The following SAMD9 variants were observed in gnomAD, a reference collection of about 807,000 sequenced individuals.
SAMD9 encodes the protein sterile alpha motif domain-containing protein 9.
In SAMD9, 3 loss-of-function variants were observed where a neutral mutation model predicts 1.5. That is an observed-to-expected ratio of 2.05 (90% confidence interval 0.93 to 5.29). SAMD9 has a LOEUF of 5.29. SAMD9 is among the 30% of genes most tolerant of loss of function. SAMD9 has a pLI of 0.02. For missense variants in SAMD9, 1,597 were observed against 1,820.8 expected (o/e 0.88, Z 2.24); for synonymous variants, 635 against 631.9 (o/e 1.00, Z -0.07).
In SAMD9 at chr7:93,102,192, T is replaced by A. The variant is rs1271643942; in HGVS notation, c.3906A>T (p.Lys1302Asn). 1.9e-6 allele frequency: 3 copies of A among 1,613,716 alleles called. No individual in the cohort carries two copies. In the South Asian group the frequency reaches 3.3e-5, roughly 18 times the overall value. Residue 1302 changes from lysine (K) to asparagine (N), a missense_variant, in exon 3 of 3, where the codon AAA becomes AAT. Coordinates refer to ENST00000379958, the MANE Select transcript of SAMD9 (RefSeq NM_017654.4). ...CTAAGAGACAAAATATATCTACATA[T>A]TTCTTAAAATATCCAGCCACCTTTC... ...TRRKVAGYFK[K>N]YVDIFCLLEE...
At chr7:93,112,393 C>T (rs1562778937) in intron 2 of SAMD9, among the ~76,000 whole-genome samples, 2 of 152,150 alleles carry the variant, frequency 1.3e-5, no homozygotes, top group South Asian at 2.1e-4. Context: ...TGAAAACTGG[C>T]ACAAGACAGG....
intron 2 of SAMD9, among the ~76,000 whole-genome samples, chr7:93,111,783 C>G (rs922900877): frequency 5.3e-5 from 8 of 152,050 alleles, no homozygotes; most frequent in African/African-American, 1.9e-4. Flanking sequence ...CTGAATAGAC[C>G]AATAACAGGT....
At position 93,102,463 on chromosome 7, in the gene SAMD9, T is replaced by C. The variant is rs1490512363; in HGVS notation, c.3635A>G (p.Gln1212Arg). The C allele has an allele frequency of 1.2e-6, 2 of 1,613,636 alleles. No individual in the cohort carries two copies. The highest frequency in any genetic ancestry group is 1.7e-6 in the Non-Finnish European group (2 of 1,179,722). ...TTTATTATCAAAAAAAGGAATGAGC[T>C]GGAGAATTTGGATTGTGTAAAGCCC... ...EVGLYTIQIL[Q>R]LIPFFDNKNE... Residue 1212 changes from glutamine (Q) to arginine (R), a missense_variant, in exon 3 of 3, where the codon CAG (glutamine) becomes CGG (arginine). Physicochemically the swap from Gln to Arg is conservative, Grantham distance 43. Transcript: ENST00000379958.
intron 2 of SAMD9, among the ~76,000 whole-genome samples, chr7:93,114,294 C>G (rs1791797524): frequency 1.1e-5 from 1 of 88,570 alleles, no homozygotes. Flanking sequence ...ACACTGGGGC[C>G]TGTTGTGGGG....
At chr7:93,115,405 A>T (rs137957653) in intron 1 of SAMD9, among the ~76,000 whole-genome samples, 410 of 152,372 alleles carry the variant, frequency 2.7e-3, no homozygotes, top group African/African-American at 9.1e-3. Context: ...CAACAACATG[A>T]ATGAATATCA....
chr7:93,113,698 T>C (rs1411451528), intron 2 of SAMD9, among the ~76,000 whole-genome samples: 4 of 151,976 alleles, frequency 2.6e-5, no homozygotes, highest in East Asian at 1.9e-4. Context: ...CATGAAAAAA[T>C]GTTCATCATC....
chr7:93,104,393 C>T lies in SAMD9; in HGVS notation c.1705G>A (p.Gly569Arg). 6.2e-7 allele frequency: 1 copy of T among 1,613,892 alleles called. No individual in the cohort carries two copies. The highest frequency in any genetic ancestry group is 8.5e-7 in the Non-Finnish European group (1 of 1,179,852). Residue 569 changes from glycine to arginine, a missense_variant, in exon 3 of 3, where the codon GGA becomes AGA. By Grantham distance (125) the Gly-to-Arg change is moderately radical (BLOSUM62 -2). Transcript: ENST00000379958. The part of the protein sequence containing the change: ...TFCAFYQDLK[G>R]MENILCICVH... ...CAAATACACAGTATATTTTCCATTC[C>T]TTTGAGATCCTGGTAGAAAGCACAG...
rs536634549 is a variant in SAMD9, at chr7:93,110,776, C to T, written c.-9+4019G>A. ...GCTAACTCTCCTAAATATATATGCACCCAATACAGGAGCACCCAGATTCAT... is the reference window on the plus strand; with the variant it reads ...GCTAACTCTCCTAAATATATATGCATCCAATACAGGAGCACCCAGATTCAT... On this transcript the variant is annotated intron_variant, in intron 2 of 2. Coordinates refer to ENST00000379958, the MANE Select transcript of SAMD9 (RefSeq NM_017654.4). 7.4e-4 allele frequency among the ~76,000 whole-genome samples: 112 copies of T among 152,316 alleles called. No individual in the cohort carries two copies. The East Asian group carries it at 8.7e-3, about 12-fold the overall frequency.
In SAMD9 at chr7:93,108,724, G is replaced by A. The variant is rs10277652; in HGVS notation, c.-8-2619C>T. 3.7e-3 allele frequency among the ~76,000 whole-genome samples: 558 copies of A among 152,320 alleles called. 2 individuals carry two copies. The highest frequency in any genetic ancestry group is 0.012 in the African/African-American group (500 of 41,568). On this transcript the variant is annotated intron_variant, in intron 2 of 2. Coordinates refer to ENST00000379958, the MANE Select transcript of SAMD9 (RefSeq NM_017654.4). ...ACTGCTAGCACAGCAGTCTGAGATT[G>A]AACTGCAAGGCGGCAGCAAGCCTGG... is the stretch of plus-strand genomic sequence containing the variant.
In SAMD9 at chr7:93,101,903, G is replaced by A. The variant is rs1297597610; in HGVS notation, c.4195C>T (p.Gln1399Ter). Residue 1399 changes from glutamine to a stop codon, truncating the protein, a stop_gained, in exon 3 of 3, where the codon CAA becomes TAA. Transcript: ENST00000379958. LOFTEE classifies it low-confidence loss of function (END_TRUNC). ...ILANIILSCI[Q>*]PTSRLVKPVE... is the part of the protein sequence containing the mutation. ...GGCTTTACTAATCTGGAGGTAGGTT[G>A]GATACAGGAGAGAATAATGTTGGCC... The A allele has an allele frequency of 1.2e-6, 2 of 1,613,636 alleles. No homozygotes were observed. The highest frequency in any genetic ancestry group is 2.2e-5 in the East Asian group (1 of 44,882).
chr7:93,103,617 T>C lies in SAMD9; in HGVS notation c.2481A>G (p.Lys827=). ...AIAKKYIRYE[K]PLVIILNCMR... Reference sequence around the variant, plus strand: ...TACAATTTAGGATAATCACCAGAGGTTTTTCATATCGAATGTACTTTTTAG... The same window carrying C: ...TACAATTTAGGATAATCACCAGAGGCTTTTCATATCGAATGTACTTTTTAG... The change falls in exon 3 of 3, where the codon AAA becomes AAG. Residue 827 remains lysine, a synonymous_variant. Transcript: ENST00000379958. 6.2e-7 allele frequency: 1 copy of C among 1,613,162 alleles called. No homozygotes were observed. The highest frequency in any genetic ancestry group is 8.5e-7 in the Non-Finnish European group (1 of 1,179,530).
intron 2 of SAMD9, among the ~76,000 whole-genome samples, chr7:93,107,567 G>A (rs1791667037): frequency 6.6e-6 from 1 of 152,252 alleles, no homozygotes; most frequent in East Asian, 1.9e-4. Flanking sequence ...TTTATCATGG[G>A]AGACATCAAA....
chr7:93,102,701 A>G lies in SAMD9; in HGVS notation c.3397T>C (p.Trp1133Arg), dbSNP rs1321263432. 1 of 1,613,802 alleles carries G rather than the reference A, an allele frequency of 6.2e-7. No homozygotes were observed. Among genetic ancestry groups the G allele is most frequent in the South Asian group, 1.1e-5 (1 of 91,080 alleles). The change falls in exon 3 of 3, where the codon TGG (tryptophan) becomes CGG (arginine). Residue 1133 changes from tryptophan (W) to arginine (R), a missense_variant. Trp to Arg is a moderately radical substitution (Grantham distance 101, BLOSUM62 -3). Around this residue, in one of 6 missense-constraint regions of SAMD9, gnomAD observed 682 missense variants for 810.0 expected, o/e 0.84. Transcript: ENST00000379958. Reference sequence around the variant, plus strand: ...TTTCCTCCGTTTTCCTCTATCCACCATCTTATTTTACTTTTGTAGACTTGA... The same window carrying G: ...TTTCCTCCGTTTTCCTCTATCCACCGTCTTATTTTACTTTTGTAGACTTGA... ...LGQVYKSKIRWWIEENGGNGN... is the reference protein window; with the variant it reads ...LGQVYKSKIRRWIEENGGNGN...
rs368299433 is a variant in SAMD9 at position 93,102,736 on chromosome 7, T to C, written c.3362A>G (p.Asp1121Gly). ...ACTTTTGTAGACTTGACCCAGTGTA[T>C]CTGAGATATAAGAATTGTCAGGTTC... ...IIEPDNSYIS[D>G]TLGQVYKSKI... Residue 1121 changes from aspartate (D) to glycine (G), a missense_variant, in exon 3 of 3, where the codon GAT (aspartate) becomes GGT (glycine). Physicochemically the swap from Asp to Gly is moderately conservative, Grantham distance 94. Around this residue, in one of 6 missense-constraint regions of SAMD9, gnomAD observed 682 missense variants for 810.0 expected, o/e 0.84. Coordinates refer to ENST00000379958, the MANE Select transcript of SAMD9 (RefSeq NM_017654.4). 2 of 1,613,900 alleles carry C rather than the reference T, an allele frequency of 1.2e-6. No individual in the cohort carries two copies. Among genetic ancestry groups the C allele is most frequent in the Non-Finnish European group, 1.7e-6 (2 of 1,179,776 alleles).
Position 93,105,949 on chromosome 7 carries a change from T to C in SAMD9, c.149A>G (p.Lys50Arg), listed in dbSNP as rs764461512. ...DVNGAVLKWLKKEHLVDMGIT... is the reference protein window; with the variant it reads ...DVNGAVLKWLRKEHLVDMGIT... The stretch of plus-strand genomic sequence containing the variant: ...GCCCATATCAACAAGATGTTCTTTT[T>C]TTAACCACTTCAAGACTGCTCCATT... The change falls in exon 3 of 3, where the codon AAA becomes AGA. Residue 50 changes from lysine (K) to arginine (R), a missense_variant. Lys to Arg is a conservative substitution (Grantham distance 26). Coordinates refer to ENST00000379958, the MANE Select transcript of SAMD9 (RefSeq NM_017654.4). 6.2e-6 allele frequency: 10 copies of C among 1,611,846 alleles called. No homozygotes were observed. Among genetic ancestry groups the C allele is most frequent in the Non-Finnish European group, 7.6e-6 (9 of 1,178,908 alleles).
Position 93,101,539 on chromosome 7 carries a change from T to A in SAMD9, c.4559A>T (p.Glu1520Val). Reference protein sequence around the residue: ...SLWQSGDVWKEEKVQELLLRL... With the variant: ...SLWQSGDVWKVEKVQELLLRL... The stretch of plus-strand genomic sequence containing the variant: ...AAGCAAAAGTTCTTGGACTTTTTCC[T>A]CCTTCCACACATCTCCACTCTGCCA... Residue 1520 changes from glutamate (E) to valine (V), a missense_variant, in exon 3 of 3, where the codon GAG becomes GTG. Around this residue, in one of 6 missense-constraint regions of SAMD9, gnomAD observed 682 missense variants for 810.0 expected, o/e 0.84. Transcript: ENST00000379958. 1 of 1,613,822 alleles carries A rather than the reference T, an allele frequency of 6.2e-7. No homozygotes were observed. Among genetic ancestry groups the A allele is most frequent in the South Asian group, 1.1e-5 (1 of 91,074 alleles).
chr7:93,113,467 C>T (rs1295853942), intron 2 of SAMD9, among the ~76,000 whole-genome samples: 3 of 152,176 alleles, frequency 2.0e-5, no homozygotes, highest in African/African-American at 7.2e-5. Context: ...TCTAGTTAAA[C>T]TAAAGCACTT....
At chr7:93,113,189 A>G (rs183803678) in intron 2 of SAMD9, among the ~76,000 whole-genome samples, 8,523 of 152,282 alleles carry the variant, frequency 0.056, 328 homozygotes, top group South Asian at 0.19. Context: ...ACCTGACAAA[A>G]ACAAGCAATG....
intron 2 of SAMD9, among the ~76,000 whole-genome samples, chr7:93,110,714 A>G (rs1445722911): frequency 6.6e-6 from 1 of 152,252 alleles, no homozygotes; most frequent in East Asian, 1.9e-4. Flanking sequence ...AAAGAAGGCC[A>G]TTACATAATG....
Sources: allele counts gnomAD v4.1 joint callset (sites outside exome capture counted in the v4.1 genomes callset), GRCh38; gene constraint gnomAD v4.1.1; regional missense constraint gnomAD v4.1.1; transcripts MANE v1.5; gene names NCBI Gene and HGNC (gene_info 2026-07-23, HGNC 2026-07-21).